DNAH17: variants seen among roughly 807,000 people sequenced by gnomAD.
DNAH17 encodes the protein axonemal beta dynein heavy chain 17.
A neutral mutation model predicts 485.6 loss-of-function variants in DNAH17; 376 were observed. The observed-to-expected ratio is 0.77, with a 90% CI of 0.71 to 0.84. The LOEUF is 0.84. DNAH17 is among the 40% of genes least tolerant of loss of function. DNAH17 has a pLI of 0.00. For missense variants in DNAH17, 6,370 were observed against 5,839.3 expected (o/e 1.09, Z -2.96); for synonymous variants, 3,031 against 2,405.9 (o/e 1.26, Z -7.60).
At chr17:78,426,397 C>G (rs559687474) in intron 79 of DNAH17, 60 bp downstream of exon 79, 2 of 1,500,338 alleles carry the variant, frequency 1.3e-6, no homozygotes, top group Non-Finnish European at 1.8e-6. Flanking sequence ...TGGGGTGTGC[C>G]GAGCTCTGGG....
At chr17:78,559,690 CCT>C (rs1343745966) in intron 13 of DNAH17, among the ~76,000 whole-genome samples, 7 of 152,218 alleles carry the variant, frequency 4.6e-5, no homozygotes, top group African/African-American at 1.7e-4. Flanking sequence ...TCGCAGCACA[CCT>C]CTGTCTGACA....
In DNAH17 at chr17:78,444,708, G is replaced by A. The variant is rs768040495; in HGVS notation, c.11424C>T (p.Ala3808=). The change falls in exon 71 of 81, where the codon GCC becomes GCT. Residue 3808 remains alanine, a synonymous_variant. Transcript: ENST00000389840. The part of the protein sequence containing the change: ...KRWKKLVESE[A]PEKEIFPKEW... ...CCTTGGGGAAGATCTCCTTCTCGGG[G>A]GCTTCCGACTCCACCAGCTTTTTCC... 1 of 1,608,340 alleles carries A rather than the reference G, an allele frequency of 6.2e-7. No homozygotes were observed. The highest frequency in any genetic ancestry group is 8.5e-7 in the Non-Finnish European group (1 of 1,178,186).
At chr17:78,569,788 G>A (rs2143717351) in intron 7 of DNAH17, among the ~76,000 whole-genome samples, 1 of 152,330 alleles carries the variant, frequency 6.6e-6, no homozygotes, top group East Asian at 1.9e-4. Flanking sequence ...GGACCCCGGT[G>A]CCCTTCTGGT....
In DNAH17 at chr17:78,462,889, C is replaced by T; in HGVS notation, c.9129G>A (p.Glu3043=). Residue 3043 remains glutamate, a synonymous_variant, in exon 57 of 81, where the codon GAG becomes GAA. Coordinates refer to ENST00000389840, the MANE Select transcript of DNAH17 (RefSeq NM_173628.4). ...GCTTCATCAGGCCGTTCTCCAGCCT[C>T]TCGATTTTGGCAACAAGTTCCGTTC... ...KKRTELVAKI[E]RLENGLMKLQ... 6.2e-7 allele frequency: 1 copy of T among 1,613,976 alleles called. No individual in the cohort carries two copies. Among genetic ancestry groups the T allele is most frequent in the African/African-American group, 1.3e-5 (1 of 75,040 alleles).
intron 71 of DNAH17, among the ~76,000 whole-genome samples, chr17:78,443,687 C>T (rs754258494): frequency 6.6e-5 from 10 of 152,180 alleles, no homozygotes; most frequent in Admixed American, 1.3e-4. Flanking sequence ...GTAACTGGGA[C>T]TATAGGAGCC....
In DNAH17 at chr17:78,572,612, G is replaced by A. The variant is rs185363396; in HGVS notation, c.539+89C>T. ...CCACTCTGCAGGGAAACAACGGGTC[G>A]GAGTGGGGTGGAGTGGGGTGGGGGG... On this transcript the variant is annotated intron_variant, in intron 3 of 80. Transcript: ENST00000389840. The A allele has an allele frequency of 5.2e-4, 613 of 1,187,768 alleles. 3 individuals are homozygous for A. Among genetic ancestry groups the A allele is most frequent in the South Asian group, 3.7e-3 (240 of 65,562 alleles). 73.6% of individuals were successfully genotyped at this position (1,187,768 alleles called of 1,614,324 possible).
chr17:78,507,652 A>G lies in DNAH17; in HGVS notation c.4390T>C (p.Tyr1464His), dbSNP rs748661792. Reference sequence around the variant, plus strand: ...ACCTCCTTCAGGAAGTGGGCCAGGTACTTGGACATCATCAGGTTCTGCAGC... The same window carrying G: ...ACCTCCTTCAGGAAGTGGGCCAGGTGCTTGGACATCATCAGGTTCTGCAGC... ...VQLQNLMMSK[Y>H]LAHFLKEVTS... Residue 1464 changes from tyrosine (Y) to histidine (H), a missense_variant, in exon 28 of 81, where the codon TAC becomes CAC. By Grantham distance (83) the Tyr-to-His change is moderately conservative. Transcript: ENST00000389840. The G allele has an allele frequency of 2.3e-5, 37 of 1,613,970 alleles. No homozygotes were observed. In the Admixed American group the frequency reaches 3.2e-4, roughly 14 times the overall value.
At chr17:78,470,413 G>A (rs1008842121) in intron 54 of DNAH17, among the ~76,000 whole-genome samples, 46 of 151,292 alleles carry the variant, frequency 3.0e-4, no homozygotes, top group Admixed American at 2.0e-3. Flanking sequence ...AAACAGGCCG[G>A]GCACGGTGGC....
At chr17:78,503,161 T>C in intron 31 of DNAH17, 150 bp from the exon 32 acceptor site, 1 of 450,474 alleles carries the variant, frequency 2.2e-6, no homozygotes. Flanking sequence ...GCAGTAACAG[T>C]GACACACCTT....
intron 35 of DNAH17, 53 bp from the exon 36 acceptor site, chr17:78,500,514 C>G (rs1337804633): frequency 1.6e-5 from 24 of 1,490,398 alleles, no homozygotes; most frequent in Non-Finnish European, 2.1e-5. Flanking sequence ...GGCCTCCCTG[C>G]TTTTATTTTT....
Position 78,458,744 on chromosome 17 carries a change from G to T in DNAH17, c.9862-64C>A, listed in dbSNP as rs545358348. On this transcript the variant is annotated intron_variant, in intron 61 of 80. Coordinates refer to ENST00000389840, the MANE Select transcript of DNAH17 (RefSeq NM_173628.4). Reference sequence around the variant, plus strand: ...GAGGCATCTCTAGCCCCCTGCAGCGGCAGCAGGGCTGGGCCCTGTGAGCGC... The same window carrying T: ...GAGGCATCTCTAGCCCCCTGCAGCGTCAGCAGGGCTGGGCCCTGTGAGCGC... The T allele has an allele frequency of 7.0e-4, 991 of 1,425,770 alleles. 9 individuals carry two copies. Among genetic ancestry groups the T allele is most frequent in the Middle Eastern group, 3.5e-4 (2 of 5,638 alleles). The allele number at this position is 1,425,770 out of a possible 1,614,324, so 88.3% of individuals were successfully genotyped here.
rs141369090 is a variant in DNAH17, at chr17:78,504,354, C to T, written c.4956+939G>A. Among the ~76,000 whole-genome samples, 407 of 152,140 alleles carry T rather than the reference C, an allele frequency of 2.7e-3. 20 individuals are homozygous for T. In the South Asian group the frequency reaches 0.054, roughly 20 times the overall value. Reference sequence around the variant, plus strand: ...TGCTGGGATTATTGGCATGAGCTACCGCGCCCGGCCAGATTTTTCCTTTTA... The same window carrying T: ...TGCTGGGATTATTGGCATGAGCTACTGCGCCCGGCCAGATTTTTCCTTTTA... On this transcript the variant is annotated intron_variant, in intron 31 of 80. Coordinates refer to ENST00000389840, the MANE Select transcript of DNAH17 (RefSeq NM_173628.4).
chr17:78,449,076 C>A (rs1245897179), intron 69 of DNAH17, among the ~76,000 whole-genome samples: 1 of 151,404 alleles, frequency 6.6e-6, no homozygotes, highest in Non-Finnish European at 1.5e-5. Context: ...ACATCAGTCA[C>A]CCCACAGTGG....
intron 54 of DNAH17, among the ~76,000 whole-genome samples, chr17:78,469,809 A>G (rs1046222040): frequency 6.6e-6 from 1 of 152,260 alleles, no homozygotes; most frequent in African/African-American, 2.4e-5. Flanking sequence ...GCTGAGTAAA[A>G]TAAGCCAGAC....
intron 25 of DNAH17, among the ~76,000 whole-genome samples, chr17:78,519,031 G>A (rs1035490356): frequency 6.6e-6 from 1 of 151,908 alleles, no homozygotes; most frequent in African/African-American, 2.4e-5. Flanking sequence ...AGCCGGGCGT[G>A]GTGGCGGGCA....
intron 25 of DNAH17, among the ~76,000 whole-genome samples, chr17:78,524,542 C>T (rs1478844019): frequency 6.6e-6 from 1 of 152,162 alleles, no homozygotes. Flanking sequence ...CTATGAGCCA[C>T]AAAGTGCGTC....
chr17:78,456,698 C>A (rs1490384082), intron 62 of DNAH17, among the ~76,000 whole-genome samples: 4 of 152,232 alleles, frequency 2.6e-5, no homozygotes, highest in Admixed American at 2.6e-4. Flanking sequence ...GTCCAGGTTG[C>A]CTGTTAGAGC....
At position 78,571,573 on chromosome 17, in the gene DNAH17, G is replaced by A. The variant is rs1424281388; in HGVS notation, c.732+17C>T. 2.5e-6 allele frequency: 4 copies of A among 1,613,322 alleles called. No homozygotes were observed. The highest frequency in any genetic ancestry group is 3.3e-5 in the Admixed American group (2 of 59,996). On this transcript the variant is annotated intron_variant, in intron 4 of 80. Coordinates refer to ENST00000389840, the MANE Select transcript of DNAH17 (RefSeq NM_173628.4). ...CTGGGACGAGGCTGCAGCCCCACAGGAGAGAGGAGGCCGTACCTGTTCATG... is the reference window on the plus strand; with the variant it reads ...CTGGGACGAGGCTGCAGCCCCACAGAAGAGAGGAGGCCGTACCTGTTCATG...
intron 1 of DNAH17, among the ~76,000 whole-genome samples, chr17:78,577,017 G>C (rs2092442317): frequency 6.6e-6 from 1 of 152,212 alleles, no homozygotes; most frequent in Non-Finnish European, 1.5e-5. Flanking sequence ...GAGGAAGCTG[G>C]GGCTAGGGGC....
Sources: gnomAD v4.1 joint callset for allele counts (sites outside exome capture counted in the v4.1 genomes callset) on GRCh38, gnomAD v4.1.1 for gene constraint, MANE v1.5 for transcripts, NCBI Gene and HGNC (gene_info 2026-07-23, HGNC 2026-07-21) for gene names.